RPS6KC1: variants seen among roughly 807,000 people sequenced by gnomAD.
The protein encoded by RPS6KC1 is ribosomal protein S6 kinase C1, also known as inactive ribosomal protein S6 kinase delta-1.
In RPS6KC1, 54 loss-of-function variants were observed where a neutral mutation model predicts 103.8. The observed-to-expected ratio is 0.52, with a 90% CI of 0.42 to 0.65. RPS6KC1 has a LOEUF of 0.65. Ranked by LOEUF, RPS6KC1 falls within the 30% of genes least tolerant of loss-of-function variation. The pLI is 0.00. For missense variants in RPS6KC1, 1,151 were observed against 1,253.8 expected (o/e 0.92, Z 1.24); for synonymous variants, 439 against 438.7 (o/e 1.00, Z -0.01).
chr1:213,288,292 G>T, the RPS6KC1 span, among the ~76,000 whole-genome samples: 1 of 152,204 alleles, frequency 6.6e-6, no homozygotes, highest in Non-Finnish European at 1.5e-5. Flanking sequence ...GAGCATCTGG[G>T]TCGACCCTAG....
chr1:213,248,424 C>T (rs934870785), intron 12 of RPS6KC1, among the ~76,000 whole-genome samples: 1 of 152,084 alleles, frequency 6.6e-6, no homozygotes, highest in African/African-American at 2.4e-5. Context: ...CAGTTCTTAT[C>T]GTCATAAAAA....
chr1:213,586,449 T>A, the RPS6KC1 span, among the ~76,000 whole-genome samples: 3 of 152,368 alleles, frequency 2.0e-5, no homozygotes, highest in African/African-American at 7.2e-5. Context: ...TTGCTGTATC[T>A]AATCATAAAT....
At chr1:213,492,600 T>C in the RPS6KC1 span, 2 of 152,242 alleles carry the variant, frequency 1.3e-5, no homozygotes, top group African/African-American at 4.8e-5. Context: ...TCACCTTTCG[T>C]GACTTACAAG....
At chr1:213,738,596 A>C in the RPS6KC1 span, among the ~76,000 whole-genome samples, 1 of 152,096 alleles carries the variant, frequency 6.6e-6, no homozygotes, top group Non-Finnish European at 1.5e-5. Context: ...AAATATATAA[A>C]TATATTGAGA....
chr1:213,629,240 G>C, the RPS6KC1 span, among the ~76,000 whole-genome samples: 1 of 151,992 alleles, frequency 6.6e-6, no homozygotes, highest in African/African-American at 2.4e-5. Context: ...AGGTCTCTAA[G>C]GACTTGCTTT....
chr1:213,762,160 G>T, the RPS6KC1 span, among the ~76,000 whole-genome samples: 1 of 152,124 alleles, frequency 6.6e-6, no homozygotes, highest in African/African-American at 2.4e-5. Flanking sequence ...TCTCGGGCAG[G>T]GACTCTGCCT....
chr1:213,809,419 A>T, the RPS6KC1 span, among the ~76,000 whole-genome samples: 4 of 152,104 alleles, frequency 2.6e-5, no homozygotes, highest in African/African-American at 9.6e-5. Flanking sequence ...GAGAATTACC[A>T]AAATGAGACC....
the RPS6KC1 span, among the ~76,000 whole-genome samples, chr1:213,291,983 G>A: frequency 3.3e-5 from 5 of 152,068 alleles, no homozygotes; most frequent in South Asian, 6.2e-4. Context: ...AGTTTTTCCA[G>A]CACCATTTAT....
chr1:213,847,063 C>T, the RPS6KC1 span, among the ~76,000 whole-genome samples: 47 of 152,254 alleles, frequency 3.1e-4, no homozygotes, highest in African/African-American at 1.1e-3. Flanking sequence ...TTAATCATGG[C>T]ATTATTATTA....
At chr1:213,418,806 G>A in the RPS6KC1 span, among the ~76,000 whole-genome samples, 101 of 152,174 alleles carry the variant, frequency 6.6e-4, 3 homozygotes, top group East Asian at 0.016. Flanking sequence ...TTCCTCCCCC[G>A]GGGTGAGCGT....
the RPS6KC1 span, among the ~76,000 whole-genome samples, chr1:213,391,458 T>A: frequency 1.3e-5 from 2 of 152,200 alleles, no homozygotes; most frequent in Admixed American, 1.3e-4. Context: ...GGAACATTTG[T>A]TAAATGTGTC....
intron 5 of RPS6KC1, among the ~76,000 whole-genome samples, chr1:213,122,515 A>G (rs1380103068): frequency 2.6e-5 from 4 of 152,186 alleles, no homozygotes; most frequent in African/African-American, 9.6e-5. Flanking sequence ...ACCTAAATCT[A>G]TTTTCAAGAC....
the RPS6KC1 span, among the ~76,000 whole-genome samples, chr1:213,517,330 A>G: frequency 3.9e-4 from 60 of 152,142 alleles, no homozygotes; most frequent in African/African-American, 1.4e-3. Flanking sequence ...TAGGGTGTCA[A>G]TTTTAGATAT....
At chr1:213,228,084 G>T (rs879475971) in intron 8 of RPS6KC1, among the ~76,000 whole-genome samples, 1 of 152,126 alleles carries the variant, frequency 6.6e-6, no homozygotes, top group Non-Finnish European at 1.5e-5. Context: ...CCCCCAAATC[G>T]AAGGGTTAGA....
the RPS6KC1 span, among the ~76,000 whole-genome samples, chr1:213,547,088 T>A: frequency 2.6e-5 from 4 of 152,240 alleles, no homozygotes; most frequent in Non-Finnish European, 5.9e-5. Flanking sequence ...GAATTTTTTT[T>A]AATTAGACTG....
At chr1:213,459,948 G>A in the RPS6KC1 span, among the ~76,000 whole-genome samples, 3 of 152,120 alleles carry the variant, frequency 2.0e-5, no homozygotes, top group African/African-American at 7.2e-5. Flanking sequence ...TGTGGTCTGA[G>A]AGACTGTTAC....
chr1:213,188,298 G>A (rs2092615199), intron 8 of RPS6KC1, among the ~76,000 whole-genome samples: 1 of 152,032 alleles, frequency 6.6e-6, no homozygotes, highest in African/African-American at 2.4e-5. Context: ...TTATAGAAAT[G>A]TAGTTGGGTG....
intron 1 of RPS6KC1, among the ~76,000 whole-genome samples, chr1:213,057,994 C>T (rs773293089): frequency 6.7e-6 from 1 of 150,230 alleles, no homozygotes; most frequent in Non-Finnish European, 1.5e-5. Flanking sequence ...TCTCAAACTC[C>T]TGGTCTCAAG....
chr1:213,431,708 CT>C, the RPS6KC1 span, among the ~76,000 whole-genome samples: 1 of 150,320 alleles, frequency 6.7e-6, no homozygotes, highest in Non-Finnish European at 1.5e-5. Context: ...CATTCTATTA[CT>C]GGTAGACATT....
Sources: gnomAD v4.1 joint callset for allele counts (sites outside exome capture counted in the v4.1 genomes callset) on GRCh38, gnomAD v4.1.1 for gene constraint, MANE v1.5 for transcripts, NCBI Gene and HGNC (gene_info 2026-07-23, HGNC 2026-07-21) for gene names.